THRAP3: variants seen among roughly 807,000 people sequenced by gnomAD.
THRAP3 encodes the protein thyroid hormone receptor-associated protein 3.
A neutral mutation model predicts 101.0 loss-of-function variants in THRAP3; 16 were observed. The ratio of observed to expected loss-of-function variants is 0.16; its 90% confidence interval spans 0.11 to 0.24. The LOEUF (loss-of-function observed/expected upper bound fraction) is 0.24. Among genes scored for constraint, THRAP3 ranks in the 10% least tolerant of loss-of-function variants. THRAP3 has a pLI of 1.00. For missense variants in THRAP3, 989 were observed against 1,202.7 expected (o/e 0.82, Z 2.63); for synonymous variants, 407 against 422.6 (o/e 0.96, Z 0.45).
At chr1:36,243,101 A>C (rs1051381353) in intron 1 of THRAP3, among the ~76,000 whole-genome samples, 1 of 145,530 alleles carries the variant, frequency 6.9e-6, no homozygotes, top group Admixed American at 6.9e-5. Flanking sequence ...CAAGCTGCTA[A>C]TGTTGCTTAT....
intron 1 of THRAP3, among the ~76,000 whole-genome samples, chr1:36,244,911 G>A (rs1645212599): frequency 6.6e-6 from 1 of 151,906 alleles, no homozygotes. Flanking sequence ...TAGTAGAGAC[G>A]GGGTTTCATG....
chr1:36,229,652 CGTTT>C (rs369258437), intron 1 of THRAP3, among the ~76,000 whole-genome samples: 13,427 of 151,002 alleles, frequency 0.089, 824 homozygotes, highest in Middle Eastern at 0.23. Context: ...TTTGTTTGTT[CGTTT>C]GTTTGTTTGT....
intron 1 of THRAP3, among the ~76,000 whole-genome samples, chr1:36,257,290 G>A (rs1353802689): frequency 6.6e-6 from 1 of 152,106 alleles, no homozygotes; most frequent in Non-Finnish European, 1.5e-5. Context: ...ACTCCTCCAG[G>A]TGCCCTCATC....
At chr1:36,230,078 C>T (rs1645010743) in intron 1 of THRAP3, among the ~76,000 whole-genome samples, 1 of 151,874 alleles carries the variant, frequency 6.6e-6, no homozygotes, top group Admixed American at 6.6e-5. Flanking sequence ...CGTCAGCCTC[C>T]CGAGTCGCTG....
At chr1:36,298,341 A>G (rs866041870) in intron 9 of THRAP3, among the ~76,000 whole-genome samples, 93 of 152,246 alleles carry the variant, frequency 6.1e-4, no homozygotes, top group Middle Eastern at 6.8e-3. Flanking sequence ...CTGGGCCGCC[A>G]CTTAGAAGTG....
At chr1:36,225,262 T>G (rs897429365) in intron 1 of THRAP3, 1 of 152,228 alleles carries the variant, frequency 6.6e-6, no homozygotes, top group East Asian at 1.9e-4. Flanking sequence ...TTATGGGGAA[T>G]TTGTTACTTG....
At chr1:36,208,643 A>C in the THRAP3 span, among the ~76,000 whole-genome samples, 1 of 152,168 alleles carries the variant, frequency 6.6e-6, no homozygotes, top group Admixed American at 6.6e-5. Flanking sequence ...TCTTTTTGGC[A>C]TGTCCATGTA....
chr1:36,230,195 C>A (rs1057006051), intron 1 of THRAP3, among the ~76,000 whole-genome samples: 5 of 151,098 alleles, frequency 3.3e-5, no homozygotes, highest in Non-Finnish European at 5.9e-5. Flanking sequence ...CTCAGCTGAC[C>A]GCAACTTCCA....
intron 1 of THRAP3, among the ~76,000 whole-genome samples, chr1:36,251,983 GA>G (rs1346677849): frequency 6.6e-6 from 1 of 152,158 alleles, no homozygotes. Flanking sequence ...AGTTGCTTTG[GA>G]AATTGCTTTG....
intron 2 of THRAP3, among the ~76,000 whole-genome samples, chr1:36,273,379 A>C (rs1050097496): frequency 2.6e-5 from 4 of 152,220 alleles, no homozygotes; most frequent in African/African-American, 7.2e-5. Context: ...GAAGTCCAGC[A>C]CCTTCTCATT....
At chr1:36,288,875 T>C (rs1645828872) in intron 4 of THRAP3, 185 bp from the exon 5 acceptor site, 1 of 985,276 alleles carries the variant, frequency 1.0e-6, no homozygotes, top group African/African-American at 1.7e-5. Context: ...GGCAAGTTCA[T>C]AGAACTGTGA....
chr1:36,267,322 G>A (rs377666199), intron 2 of THRAP3, among the ~76,000 whole-genome samples: 15 of 152,164 alleles, frequency 9.9e-5, no homozygotes, highest in East Asian at 7.7e-4. Flanking sequence ...CATGGCTGAA[G>A]TAGTAAAAAA....
chr1:36,301,456 A>G (rs1391634569), intron 10 of THRAP3, 97 bp from the exon 11 acceptor site: 1 of 1,460,324 alleles, frequency 6.8e-7, no homozygotes, highest in Non-Finnish European at 9.3e-7. Flanking sequence ...ACAGCTGTCT[A>G]TTCCACACCA....
At chr1:36,208,514 C>G in the THRAP3 span, among the ~76,000 whole-genome samples, 1 of 152,074 alleles carries the variant, frequency 6.6e-6, no homozygotes, top group Non-Finnish European at 1.5e-5. Flanking sequence ...CTCTGCCCCC[C>G]GGTGTAAAGA....
the THRAP3 span, among the ~76,000 whole-genome samples, chr1:36,210,299 G>A: frequency 6.7e-6 from 1 of 150,226 alleles, no homozygotes; most frequent in African/African-American, 2.5e-5. Context: ...CCGGGAGGCG[G>A]AGCTTGCAGT....
chr1:36,226,911 A>G (rs1644968533), intron 1 of THRAP3, among the ~76,000 whole-genome samples: 2 of 152,160 alleles, frequency 1.3e-5, no homozygotes, highest in Admixed American at 6.6e-5. Flanking sequence ...AAAGGTAAGC[A>G]AATAAACTAC....
the THRAP3 span, among the ~76,000 whole-genome samples, chr1:36,207,815 CAG>C: frequency 1.0e-3 from 157 of 152,094 alleles, 1 homozygote; most frequent in African/African-American, 3.5e-3. Flanking sequence ...TTTTTTGAGA[CAG>C]AGTCTCACTC....
rs369219520 is a variant in THRAP3, at chr1:36,247,276, C to T, written c.-134-12106C>T. The stretch of plus-strand genomic sequence containing the variant: ...AGGTTGCAGTGAGCTGAGATGGAGT[C>T]ACTGCACTCCAGCCTGGGCGACAGA... On this transcript the variant is annotated intron_variant, in intron 1 of 11. Transcript: ENST00000354618. Among the ~76,000 whole-genome samples the T allele has an allele frequency of 2.0e-4, 30 of 152,130 alleles. No individual in the cohort carries two copies. In the East Asian group the frequency reaches 5.5e-3, roughly 28 times the overall value.
chr1:36,252,190 A>G (rs925001877), intron 1 of THRAP3, among the ~76,000 whole-genome samples: 3 of 152,124 alleles, frequency 2.0e-5, no homozygotes, highest in African/African-American at 7.2e-5. Flanking sequence ...CAGTGGCGCT[A>G]TCTTGGCTCA....
Sources: gnomAD v4.1 joint callset for allele counts (sites outside exome capture counted in the v4.1 genomes callset) on GRCh38, gnomAD v4.1.1 for gene constraint, MANE v1.5 for transcripts, NCBI Gene and HGNC (gene_info 2026-07-23, HGNC 2026-07-21) for gene names.